The following GLYR1 variants were observed in gnomAD, a reference collection of about 807,000 sequenced individuals.
GLYR1 encodes the protein glyoxylate reductase 1 homolog.
GLYR1 carries 21 observed loss-of-function variants against 72.7 expected under a neutral mutation model. The ratio of observed to expected loss-of-function variants is 0.29; its 90% CI spans 0.20 to 0.42. GLYR1 has a LOEUF of 0.42. Among genes scored for constraint, GLYR1 ranks in the 10% least tolerant of loss-of-function variants. GLYR1 has a pLI of 1.00. For missense variants in GLYR1, 594 were observed against 712.1 expected, an observed-to-expected ratio of 0.83 and a Z score of 1.89; for synonymous variants, 392 against 270.2, an observed-to-expected ratio of 1.45 and a Z score of -4.42.
In GLYR1 at chr16:4,812,094, AAGG is replaced by A; in HGVS notation, c.1271_1273del (p.Ser424del). 1.9e-6 allele frequency: 3 copies of A among 1,613,646 alleles called. No homozygotes were observed. Among genetic ancestry groups the A allele is most frequent in the Non-Finnish European group, 2.5e-6 (3 of 1,179,766 alleles). On this transcript the variant is annotated inframe_deletion, in exon 13 of 16. Transcript: ENST00000321919. ...AGGTGCAGGCGTGTTACCTAGGAAG[AAGG>A]AGGTCTTCCCCATCGCCTGGAAGCA...
intron 3 of GLYR1, among the ~76,000 whole-genome samples, chr16:4,835,886 T>A (rs1403197703): frequency 6.6e-6 from 1 of 152,196 alleles, no homozygotes; most frequent in African/African-American, 2.4e-5. Context: ...GGATTACCTC[T>A]TGAAAGCAAA....
intron 5 of GLYR1, among the ~76,000 whole-genome samples, chr16:4,825,266 C>T (rs1303611134): frequency 6.6e-6 from 1 of 152,194 alleles, no homozygotes; most frequent in Non-Finnish European, 1.5e-5. Context: ...GTCTCCCACC[C>T]ATCCCACGCC....
intron 15 of GLYR1, 123 bp downstream of exon 15, chr16:4,811,047 T>A: frequency 5.7e-6 from 7 of 1,232,230 alleles, no homozygotes; most frequent in Non-Finnish European, 7.7e-6. Flanking sequence ...GGAGGTTGCA[T>A]TGAGCTGAGA....
chr16:4,823,506 A>G (rs1268109229), intron 6 of GLYR1, among the ~76,000 whole-genome samples: 1 of 152,148 alleles, frequency 6.6e-6, no homozygotes, highest in Non-Finnish European at 1.5e-5. Flanking sequence ...ATATTAGGGG[A>G]AAAAAACTTG....
chr16:4,817,856 G>A (rs1322428186), intron 9 of GLYR1, 159 bp from the exon 10 acceptor site: 10 of 618,500 alleles, frequency 1.6e-5, no homozygotes, highest in Admixed American at 2.7e-5. Context: ...AGCCAGGGGC[G>A]TCATGCACAT....
At chr16:4,841,932 T>C (rs562048121) in intron 3 of GLYR1, among the ~76,000 whole-genome samples, 2 of 152,306 alleles carry the variant, frequency 1.3e-5, no homozygotes, top group South Asian at 4.1e-4. Flanking sequence ...CTATGTATCT[T>C]CCAGAGCTGG....
At chr16:4,834,331 A>T (rs1360225464) in intron 3 of GLYR1, among the ~76,000 whole-genome samples, 9 of 111,910 alleles carry the variant, frequency 8.0e-5, no homozygotes, top group Non-Finnish European at 1.5e-4. Context: ...ACGGAGTTTC[A>T]CTCTTGTTGC....
At chr16:4,812,059 C>G in intron 13 of GLYR1, 27 bp downstream of exon 13, 2 of 1,603,544 alleles carry the variant, frequency 1.2e-6, no homozygotes, top group Non-Finnish European at 1.7e-6. Flanking sequence ...CCCCAGGCTC[C>G]AGGCCTGACA....
At chr16:4,820,414 C>T (rs546476954) in intron 9 of GLYR1, among the ~76,000 whole-genome samples, 51 of 152,326 alleles carry the variant, frequency 3.3e-4, no homozygotes, top group African/African-American at 1.1e-3. Context: ...TGGCTTCATA[C>T]TCTTTTATTA....
chr16:4,813,907 C>T, intron 11 of GLYR1, 69 bp from the exon 12 acceptor site: 2 of 1,201,528 alleles, frequency 1.7e-6, no homozygotes, highest in Non-Finnish European at 2.3e-6. Flanking sequence ...CTACAGACCT[C>T]AGATCAGAAT....
At chr16:4,812,631 T>C (rs775685227) in intron 12 of GLYR1, among the ~76,000 whole-genome samples, 1 of 151,556 alleles carries the variant, frequency 6.6e-6, no homozygotes, top group Non-Finnish European at 1.5e-5. Flanking sequence ...TAACTGGGAC[T>C]ACAGGCGTCC....
chr16:4,835,342 T>A (rs1596386064), intron 3 of GLYR1, among the ~76,000 whole-genome samples: 1 of 152,236 alleles, frequency 6.6e-6, no homozygotes, highest in African/African-American at 2.4e-5. Flanking sequence ...TAGAAGGAAC[T>A]GTACAGTCAA....
At chr16:4,809,511 G>A (rs902673459) in intron 15 of GLYR1, among the ~76,000 whole-genome samples, 6 of 151,096 alleles carry the variant, frequency 4.0e-5, no homozygotes, top group Non-Finnish European at 8.9e-5. Context: ...ACTCAGGAGG[G>A]TGAGGCAGGA....
At chr16:4,811,930 T>C in intron 13 of GLYR1, 128 bp from the exon 14 acceptor site, 1 of 1,412,594 alleles carries the variant, frequency 7.1e-7, no homozygotes, top group Non-Finnish European at 9.5e-7. Context: ...CCCGACAGAC[T>C]GGCTCTTCCT....
intron 9 of GLYR1, among the ~76,000 whole-genome samples, chr16:4,820,761 G>C (rs2141983404): frequency 6.6e-6 from 1 of 152,338 alleles, no homozygotes; most frequent in Admixed American, 6.5e-5. Flanking sequence ...TTGCCAACAA[G>C]ACTCTGCGGA....
Position 4,817,955 on chromosome 16 carries a change from G to A in GLYR1, c.807-258C>T, listed in dbSNP as rs1193185981. 2.0e-5 allele frequency: 9 copies of A among 439,918 alleles called. No individual in the cohort carries two copies. In the East Asian group the frequency reaches 3.6e-4, roughly 17 times the overall value. 27.3% of individuals were successfully genotyped at this position (439,918 alleles called of 1,614,324 possible). A position where few individuals can be genotyped will look rare whatever the true frequency, so the allele number is the denominator to read the frequency against. On this transcript the variant is annotated intron_variant, in intron 9 of 15. Coordinates refer to ENST00000321919, the MANE Select transcript of GLYR1 (RefSeq NM_032569.4). ...TGACTGTCACAGAAAAAAGTATGAT[G>A]TGTATGGTTCAGGGCCAGTCTCCCA...
chr16:4,808,957 T>G (rs1164538518), intron 15 of GLYR1, among the ~76,000 whole-genome samples: 1 of 152,110 alleles, frequency 6.6e-6, no homozygotes, highest in Non-Finnish European at 1.5e-5. Context: ...AGAGTGAGAC[T>G]GTGTCTCAAA....
intron 15 of GLYR1, among the ~76,000 whole-genome samples, chr16:4,807,867 A>G (rs1357270633): frequency 6.6e-6 from 1 of 152,242 alleles, no homozygotes; most frequent in Non-Finnish European, 1.5e-5. Flanking sequence ...GGGGACTTGA[A>G]ATAGTAATGT....
Position 4,825,213 on chromosome 16 carries a change from C to A in GLYR1, c.538-1306G>T, listed in dbSNP as rs185879477. On this transcript the variant is annotated intron_variant, in intron 5 of 15. Transcript: ENST00000321919. ...CAGTCTCACATAGTAAAGCTACGGG[C>A]TTCATGAGCATGGTCTACAGGGAGG... is the stretch of plus-strand genomic sequence containing the variant. 1.8e-3 allele frequency among the ~76,000 whole-genome samples: 272 copies of A among 152,328 alleles called. 2 individuals carry two copies. Among genetic ancestry groups the A allele is most frequent in the Non-Finnish European group, 2.4e-3 (166 of 68,036 alleles).
Sources: gnomAD v4.1 joint callset for allele counts (sites outside exome capture counted in the v4.1 genomes callset) on GRCh38, gnomAD v4.1.1 for gene constraint, MANE v1.5 for transcripts, NCBI Gene and HGNC (gene_info 2026-07-23, HGNC 2026-07-21) for gene names.